TRIM61: variants seen among roughly 807,000 people sequenced by gnomAD.
The protein encoded by TRIM61 is putative tripartite motif-containing protein 61.
TRIM61 carries 1 observed loss-of-function variant against 14.2 expected under a neutral mutation model. The observed-to-expected ratio is 0.07, with a 90% CI of 0.03 to 0.33. The LOEUF is 0.33. Among genes scored for constraint, TRIM61 ranks in the 10% least tolerant of loss-of-function variants. The probability of loss-of-function intolerance (pLI) is 0.99; values close to 1 mark genes in which losing one functional copy is unlikely to be tolerated. For synonymous variants in TRIM61, 8 were observed against 71.6 expected, an observed-to-expected ratio of 0.11 and a Z score of 4.49; for missense variants, 19 against 202.2, an observed-to-expected ratio of 0.09 and a Z score of 5.49.
intron 2 of TRIM61, among the ~76,000 whole-genome samples, chr4:164,972,940 C>T (rs1246391966): frequency 1.3e-5 from 2 of 152,176 alleles, no homozygotes; most frequent in African/African-American, 2.4e-5. Context: ...CAGAACCCTT[C>T]GTATTTCATT....
At chr4:164,971,454 G>A (rs1732362720) in intron 2 of TRIM61, among the ~76,000 whole-genome samples, 1 of 151,988 alleles carries the variant, frequency 6.6e-6, no homozygotes, top group African/African-American at 2.4e-5. Context: ...AGCTGGGTGT[G>A]GTGGCACATG....
chr4:164,966,807 G>A (rs975940639), intron 3 of TRIM61, among the ~76,000 whole-genome samples: 1 of 152,126 alleles, frequency 6.6e-6, no homozygotes, highest in African/African-American at 2.4e-5. Context: ...CAGCTACTTT[G>A]GGTGGAGAGG....
intron 2 of TRIM61, among the ~76,000 whole-genome samples, chr4:164,974,908 G>A (rs1179121146): frequency 6.6e-6 from 1 of 152,092 alleles, no homozygotes; most frequent in Non-Finnish European, 1.5e-5. Flanking sequence ...GGTGCTCAGA[G>A]ATTGGAAAAA....
intron 3 of TRIM61, among the ~76,000 whole-genome samples, chr4:164,963,482 G>A (rs1356072950): frequency 6.6e-6 from 1 of 152,164 alleles, no homozygotes; most frequent in Non-Finnish European, 1.5e-5. Flanking sequence ...AGGGCACGGT[G>A]GCTCACGCCT....
intron 3 of TRIM61, among the ~76,000 whole-genome samples, chr4:164,961,514 A>G (rs1732135909): frequency 6.6e-6 from 1 of 151,984 alleles, no homozygotes; most frequent in Admixed American, 6.5e-5. Flanking sequence ...TTGGAATCTC[A>G]GAAGAAATCT....
chr4:164,963,469 G>A (rs1218026325), intron 3 of TRIM61, among the ~76,000 whole-genome samples: 3 of 152,140 alleles, frequency 2.0e-5, no homozygotes, highest in Non-Finnish European at 4.4e-5. Flanking sequence ...TCACACAAAT[G>A]ACAGGGCACG....
At chr4:164,964,545 C>T (rs770336694) in intron 3 of TRIM61, among the ~76,000 whole-genome samples, 2 of 150,166 alleles carry the variant, frequency 1.3e-5, no homozygotes, top group Non-Finnish European at 1.5e-5. Flanking sequence ...TTAACTGCCA[C>T]GAACTGCCCA....
rs1283994625 is a variant in TRIM61 at position 164,956,990 on chromosome 4, T to G, written c.526-1894A>C. 4 of 1,457,150 alleles carry G rather than the reference T, an allele frequency of 2.7e-6. No homozygotes were observed. The South Asian group carries it at 4.4e-5, about 16-fold the overall frequency. The allele number at this position is 1,457,150 out of a possible 1,614,324, so 90.3% of individuals were successfully genotyped here. On this transcript the variant is annotated intron_variant, in intron 3 of 4. Coordinates refer to ENST00000329314, the MANE Select transcript of TRIM61 (RefSeq NM_001012414.3). ...AGACCGTGAAGGTGTGGCGCGACGT[T>G]GGAGACCGGGGCAGCGCCATGTACC...
At chr4:164,956,995 A>AC (rs1560881494) in intron 3 of TRIM61, 1 of 1,459,490 alleles carries the variant, frequency 6.9e-7, no homozygotes, top group Non-Finnish European at 9.1e-7. Flanking sequence ...GACGTTGGAG[A>AC]CCGGGGCAGC....
At chr4:164,970,779 G>C (rs1210617881) in intron 2 of TRIM61, among the ~76,000 whole-genome samples, 1 of 152,132 alleles carries the variant, frequency 6.6e-6, no homozygotes, top group Non-Finnish European at 1.5e-5. Flanking sequence ...CTGAGATCTT[G>C]AAATCAAAAC....
intron 3 of TRIM61, among the ~76,000 whole-genome samples, chr4:164,963,974 TAG>T (rs1732187913): frequency 6.6e-6 from 1 of 151,980 alleles, no homozygotes; most frequent in South Asian, 2.1e-4. Flanking sequence ...AAGCAGTATT[TAG>T]AGTGAAATTT....
chr4:164,958,989 A>G (rs1156746869), intron 3 of TRIM61: 1 of 167,126 alleles, frequency 6.0e-6, no homozygotes, highest in Non-Finnish European at 1.5e-5. Flanking sequence ...ATATCCAAAT[A>G]TGGTAATATA....
chr4:164,974,183 A>C (rs2111153478), intron 2 of TRIM61, among the ~76,000 whole-genome samples: 1 of 152,318 alleles, frequency 6.6e-6, no homozygotes, highest in South Asian at 2.1e-4. Flanking sequence ...AAAGCAGCAC[A>C]TTGACATTTC....
rs1385963997 is a variant in TRIM61, at chr4:164,970,799, CA to C, written c.-337-461del. On this transcript the variant is annotated intron_variant, in intron 2 of 4. Transcript: ENST00000329314. ...ATCTTGAAATCAAAACAAAACAAAA[CA>C]AAAAAATGCTGGGAACAGGCTGGGT... 3.9e-5 allele frequency among the ~76,000 whole-genome samples: 6 copies of C among 152,144 alleles called. No individual in the cohort carries two copies. In the East Asian group the frequency reaches 1.2e-3, roughly 29 times the overall value.
chr4:164,965,306 A>G (rs2111141150), intron 3 of TRIM61, among the ~76,000 whole-genome samples: 1 of 152,194 alleles, frequency 6.6e-6, no homozygotes, highest in Admixed American at 6.5e-5. Context: ...ACAAAAACAA[A>G]AAACTTAAAT....
At chr4:164,964,847 T>C (rs1044846740) in intron 3 of TRIM61, among the ~76,000 whole-genome samples, 1 of 152,232 alleles carries the variant, frequency 6.6e-6, no homozygotes, top group Non-Finnish European at 1.5e-5. Context: ...TGTTTTCTTG[T>C]CCACAGAAGC....
chr4:164,956,930 G>T, intron 3 of TRIM61: 1 of 1,258,498 alleles, frequency 7.9e-7, no homozygotes, highest in Non-Finnish European at 1.1e-6. Flanking sequence ...GATTGGGTGC[G>T]GCCGGCACCG....
intron 3 of TRIM61, 107 bp downstream of exon 3, chr4:164,968,174 G>GA (rs1205492881): frequency 4.1e-6 from 4 of 984,288 alleles, no homozygotes; most frequent in Non-Finnish European, 3.6e-6. Context: ...AAAAAGAAAA[G>GA]AAAAGAAAAA....
At chr4:164,967,799 A>C (rs1052311924) in intron 3 of TRIM61, among the ~76,000 whole-genome samples, 1 of 151,966 alleles carries the variant, frequency 6.6e-6, no homozygotes, top group Non-Finnish European at 1.5e-5. Flanking sequence ...CACAAGTTCA[A>C]CACCACGCTG....
Sources: allele counts gnomAD v4.1 joint callset (sites outside exome capture counted in the v4.1 genomes callset), GRCh38; gene constraint gnomAD v4.1.1; transcripts MANE v1.5; gene names NCBI Gene and HGNC (gene_info 2026-07-23, HGNC 2026-07-21).